ABCA1: variants seen among roughly 807,000 people sequenced by gnomAD.
The protein encoded by ABCA1 is ATP binding cassette subfamily A member 1.
In ABCA1, 133 loss-of-function variants were observed where a neutral mutation model predicts 262.5. That is an observed-to-expected ratio of 0.51 (90% confidence interval 0.44 to 0.59). The LOEUF (loss-of-function observed/expected upper bound fraction) is 0.59. ABCA1 is among the 20% of genes least tolerant of loss of function. ABCA1 has a pLI of 0.00. For missense variants in ABCA1, 2,452 were observed against 2,777.5 expected (o/e 0.88, Z 2.63); for synonymous variants, 1,022 against 1,043.5 (o/e 0.98, Z 0.40).
Position 104,816,295 on chromosome 9 carries a change from G to A in ABCA1, c.3586C>T (p.Leu1196=), listed in dbSNP as rs1349376459. ...AGCTCATGCCCTATGTCTTCCACCA[G>A]CCGGGCTTCAGACACATGCTTCCTG... ...LIRKHVSEAR[L]VEDIGHELTY... Residue 1196 remains leucine (L), a synonymous_variant, in exon 25 of 50, where the codon CTG becomes TTG. Transcript: ENST00000374736. The A allele has an allele frequency of 1.9e-6, 3 of 1,613,962 alleles. No homozygotes were observed. The highest frequency in any genetic ancestry group is 2.5e-6 in the Non-Finnish European group (3 of 1,180,020).
chr9:104,900,023 G>A (rs73664373), intron 2 of ABCA1, among the ~76,000 whole-genome samples: 3 of 152,058 alleles, frequency 2.0e-5, no homozygotes, highest in Non-Finnish European at 4.4e-5. Context: ...AACAGAAACA[G>A]CGGAAAACTA....
In ABCA1 at chr9:104,798,525, C is replaced by A. The variant is rs2118884748; in HGVS notation, c.5017G>T (p.Val1673Phe). 6.2e-7 allele frequency: 1 copy of A among 1,614,142 alleles called. No individual in the cohort carries two copies. The highest frequency in any genetic ancestry group is 1.6e-4 in the Middle Eastern group (1 of 6,062). The change falls in exon 37 of 50, where the codon GTC (valine) becomes TTC (phenylalanine). Residue 1673 changes from valine to phenylalanine, a missense_variant. Val to Phe is a conservative substitution (Grantham distance 50). Transcript: ENST00000374736. ...FAMSFVPASF[V>F]VFLIQERVSK... is the part of the protein sequence containing the mutation. Reference sequence around the variant, plus strand: ...ACCCGCTCCTGGATCAGGAATACGACAAAGCTGGCTGGGACGAAGGACATT... The same window carrying A: ...ACCCGCTCCTGGATCAGGAATACGAAAAAGCTGGCTGGGACGAAGGACATT...
At chr9:104,838,491 C>A (rs1020494366) in intron 9 of ABCA1, among the ~76,000 whole-genome samples, 3 of 150,158 alleles carry the variant, frequency 2.0e-5, no homozygotes, top group African/African-American at 7.4e-5. Context: ...GTGGCGGGCA[C>A]CTGCAGTTCC....
rs989802603 is a variant in ABCA1, at chr9:104,889,284, T to C, written c.67-89A>G. The C allele has an allele frequency of 3.2e-6, 5 of 1,541,888 alleles. No individual in the cohort carries two copies. The South Asian group carries it at 5.9e-5, about 18-fold the overall frequency. The stretch of plus-strand genomic sequence containing the variant: ...GGATCTGGGAAATCCACAGACAACT[T>C]CATTTACTAATTAATCAACTTCTCC... On this transcript the variant is annotated intron_variant, in intron 2 of 49. Transcript: ENST00000374736.
intron 26 of ABCA1, 52 bp from the exon 27 acceptor site, chr9:104,814,283 A>T: frequency 6.3e-7 from 1 of 1,595,630 alleles, no homozygotes. Context: ...CAACAAAACA[A>T]ACCTTCCCCA....
At chr9:104,829,384 G>A (rs1266221684) in intron 14 of ABCA1, among the ~76,000 whole-genome samples, 1 of 152,094 alleles carries the variant, frequency 6.6e-6, no homozygotes, top group African/African-American at 2.4e-5. Context: ...CAGTAACTAG[G>A]TAACTGTGAG....
chr9:104,807,354 A>G (rs1320477910), intron 30 of ABCA1, among the ~76,000 whole-genome samples: 1 of 152,334 alleles, frequency 6.6e-6, no homozygotes, highest in South Asian at 2.1e-4. Context: ...GCTCTGAATT[A>G]CTGTGGGACA....
chr9:104,845,546 G>A lies in ABCA1; in HGVS notation c.744C>T (p.Pro248=). 1 of 1,613,744 alleles carries A rather than the reference G, an allele frequency of 6.2e-7. No individual in the cohort carries two copies. The highest frequency in any genetic ancestry group is 8.5e-7 in the Non-Finnish European group (1 of 1,179,678). The change falls in exon 8 of 50, where the codon CCC becomes CCT. Residue 248 remains proline, a synonymous_variant. Transcript: ENST00000374736. ...PILRTLNSTS[P]FPSKELAEAT... is the part of the protein sequence containing the mutation. Reference sequence around the variant, plus strand: ...CTTCAGCCAGCTCCTTGCTCGGGAAGGGAGATGTAGAGTTTAGTGTTCTCT... The same window carrying A: ...CTTCAGCCAGCTCCTTGCTCGGGAAAGGAGATGTAGAGTTTAGTGTTCTCT...
intron 7 of ABCA1, among the ~76,000 whole-genome samples, chr9:104,847,918 T>C (rs1835037421): frequency 6.6e-6 from 1 of 152,270 alleles, no homozygotes; most frequent in African/African-American, 2.4e-5. Flanking sequence ...TATGTCTATA[T>C]GTATAGACAT....
In ABCA1 at chr9:104,790,951, G is replaced by C. The variant is rs769981637; in HGVS notation, c.5898C>G (p.Thr1966=). The change falls in exon 44 of 50, where the codon ACC becomes ACG. Residue 1966 remains threonine (T), a synonymous_variant. Transcript: ENST00000374736. Reference sequence around the variant, plus strand: ...TTTTGTTAAGGAAAGCATCTCCTCTGGTAACAGTGGTATCTCCTGTTAACA... The same window carrying C: ...TTTTGTTAAGGAAAGCATCTCCTCTCGTAACAGTGGTATCTCCTGTTAACA... ...FKMLTGDTTV[T]RGDAFLNKNS... 1.2e-6 allele frequency: 2 copies of C among 1,613,422 alleles called. No homozygotes were observed. Among genetic ancestry groups the C allele is most frequent in the African/African-American group, 2.7e-5 (2 of 74,906 alleles).
chr9:104,843,275 C>A (rs1437156857), intron 8 of ABCA1, among the ~76,000 whole-genome samples: 1 of 152,196 alleles, frequency 6.6e-6, no homozygotes, highest in Non-Finnish European at 1.5e-5. Context: ...CCTAGCAATG[C>A]CAGGCAGCTG....
intron 36 of ABCA1, 83 bp from the exon 37 acceptor site, chr9:104,798,681 AAC>A: frequency 1.7e-6 from 2 of 1,177,074 alleles, no homozygotes; most frequent in Non-Finnish European, 1.2e-6. Context: ...CACACAGACA[AAC>A]ACACACGTAC....
chr9:104,862,370 A>G (rs1836496185), intron 5 of ABCA1, among the ~76,000 whole-genome samples: 1 of 130,760 alleles, frequency 7.6e-6, no homozygotes. Flanking sequence ...TGGCCTCCCA[A>G]AGTGCTGACA....
At chr9:104,857,758 A>C (rs1835971305) in intron 7 of ABCA1, among the ~76,000 whole-genome samples, 1 of 152,222 alleles carries the variant, frequency 6.6e-6, no homozygotes, top group Admixed American at 6.5e-5. Context: ...TCCTTCCTCC[A>C]GGAATCTTTC....
At position 104,837,485 on chromosome 9, in the gene ABCA1, G is replaced by T; in HGVS notation, c.1137C>A (p.Leu379=). Residue 379 remains leucine (L), a synonymous_variant, in exon 10 of 50, where the codon CTC becomes CTA. Transcript: ENST00000374736. The part of the protein sequence containing the change: ...RIIWKALKPL[L]VGKILYTPDT... ...CAGGTGTATACAGGATCTTCCCAAC[G>T]AGCAGCGGCTTCAGAGCTTTCCAGA... The T allele has an allele frequency of 6.2e-7, 1 of 1,614,088 alleles. No homozygotes were observed. Among genetic ancestry groups the T allele is most frequent in the Non-Finnish European group, 8.5e-7 (1 of 1,179,990 alleles).
intron 5 of ABCA1, among the ~76,000 whole-genome samples, chr9:104,866,651 T>C (rs774923450): frequency 3.2e-4 from 49 of 152,142 alleles, no homozygotes; most frequent in Non-Finnish European, 6.2e-4. Context: ...CCAGCTATTA[T>C]TCCTTTTTGT....
At chr9:104,922,510 C>T (rs1477258673) in intron 1 of ABCA1, among the ~76,000 whole-genome samples, 1 of 152,144 alleles carries the variant, frequency 6.6e-6, no homozygotes, top group Non-Finnish European at 1.5e-5. Flanking sequence ...AGTTTCCCAT[C>T]TATAAAGACA....
chr9:104,822,793 G>T, intron 18 of ABCA1, 126 bp from the exon 19 acceptor site: 1 of 1,055,138 alleles, frequency 9.5e-7, no homozygotes, highest in Non-Finnish European at 1.4e-6. Context: ...GGTTTCTCAG[G>T]CAGGCAGGAG....
At chr9:104,880,550 TAAGTA>T (rs1405476960) in intron 5 of ABCA1, among the ~76,000 whole-genome samples, 1 of 149,438 alleles carries the variant, frequency 6.7e-6, no homozygotes, top group Non-Finnish European at 1.5e-5. Context: ...ACAAATAAAA[TAAGTA>T]AATAAAAACA....
Sources: gnomAD v4.1 joint callset for allele counts (sites outside exome capture counted in the v4.1 genomes callset) on GRCh38, gnomAD v4.1.1 for gene constraint, MANE v1.5 for transcripts, NCBI Gene and HGNC (gene_info 2026-07-23, HGNC 2026-07-21) for gene names.